The following SORCS2 variants were observed in gnomAD, a reference collection of about 807,000 sequenced individuals.
The protein encoded by SORCS2 is sortilin related VPS10 domain containing receptor 2.
Under a neutral mutation model 141.6 loss-of-function variants are expected in SORCS2, and 100 were observed. The ratio of observed to expected loss-of-function variants is 0.71; its 90% CI spans 0.60 to 0.83. The LOEUF (loss-of-function observed/expected upper bound fraction) is 0.83, where lower values mean the gene tolerates loss of function less well. Among genes scored for constraint, SORCS2 ranks in the 40% least tolerant of loss-of-function variants. The probability of loss-of-function intolerance (pLI) is 0.00; values close to 1 mark genes in which losing one functional copy is unlikely to be tolerated. For synonymous variants in SORCS2, 789 were observed against 676.9 expected (o/e 1.17, Z -2.57); for missense variants, 1,646 against 1,560.2 (o/e 1.05, Z -0.93).
At chr4:7,604,302 C>T (rs903457077) in intron 3 of SORCS2, among the ~76,000 whole-genome samples, 6 of 152,322 alleles carry the variant, frequency 3.9e-5, no homozygotes, top group Middle Eastern at 3.4e-3. Context: ...TTCACAAGAT[C>T]ACTATGGTGA....
chr4:7,589,238 A>G (rs1288432655), intron 3 of SORCS2, among the ~76,000 whole-genome samples: 2 of 152,326 alleles, frequency 1.3e-5, no homozygotes, highest in East Asian at 3.9e-4. Context: ...GAAATATGAC[A>G]TCAACAGTGA....
In SORCS2 at chr4:7,711,933, C is replaced by T. The variant is rs554592213; in HGVS notation, c.1869-800C>T. On this transcript the variant is annotated intron_variant, in intron 14 of 26. Coordinates refer to ENST00000507866, the MANE Select transcript of SORCS2 (RefSeq NM_020777.3). ...CCTGTGGGCTTTTCTAGACCCTTCT[C>T]GGTCATGGAGCTACCTGGGCTGAGG... 1.2e-4 allele frequency among the ~76,000 whole-genome samples: 18 copies of T among 152,204 alleles called. No individual in the cohort carries two copies. The South Asian group carries it at 2.1e-3, about 18-fold the overall frequency.
intron 1 of SORCS2, among the ~76,000 whole-genome samples, chr4:7,310,844 G>T (rs1718137265): frequency 6.6e-6 from 1 of 152,226 alleles, no homozygotes; most frequent in African/African-American, 2.4e-5. Flanking sequence ...AGTAATGCAG[G>T]TCAGCGTATT....
chr4:7,558,084 C>G (rs764230074), intron 3 of SORCS2, among the ~76,000 whole-genome samples: 2 of 152,198 alleles, frequency 1.3e-5, no homozygotes, highest in Non-Finnish European at 2.9e-5. Context: ...TCCTGGAGCT[C>G]TGTCACTGCC....
chr4:7,595,543 C>T (rs1052223428), intron 3 of SORCS2, among the ~76,000 whole-genome samples: 2 of 151,856 alleles, frequency 1.3e-5, no homozygotes, highest in African/African-American at 4.8e-5. Context: ...CCGCCCCGCA[C>T]CAGCCATCTC....
chr4:7,427,454 G>A (rs1726524258), intron 2 of SORCS2, among the ~76,000 whole-genome samples: 1 of 152,210 alleles, frequency 6.6e-6, no homozygotes, highest in Non-Finnish European at 1.5e-5. Context: ...GGATGGGCCA[G>A]AGCACCTCAT....
At chr4:7,724,903 GATA>G (rs1237628943) in intron 19 of SORCS2, among the ~76,000 whole-genome samples, 1 of 41,996 alleles carries the variant, frequency 2.4e-5, no homozygotes, top group African/African-American at 1.1e-4. Flanking sequence ...TGATGGTGGT[GATA>G]GTATTGGTGG....
At chr4:7,615,079 CCCAT>C (rs201967430) in intron 3 of SORCS2, among the ~76,000 whole-genome samples, 1 of 152,072 alleles carries the variant, frequency 6.6e-6, no homozygotes, top group Non-Finnish European at 1.5e-5. Flanking sequence ...TCTCTGTCTA[CCCAT>C]CCATCCATCC....
chr4:7,486,639 A>C (rs544997763), intron 2 of SORCS2, among the ~76,000 whole-genome samples: 3 of 152,296 alleles, frequency 2.0e-5, no homozygotes, highest in African/African-American at 7.2e-5. Context: ...ATTCTCTCCC[A>C]GAAGCCTGGA....
chr4:7,318,303 A>C (rs1037354137), intron 1 of SORCS2, among the ~76,000 whole-genome samples: 1 of 152,288 alleles, frequency 6.6e-6, no homozygotes, highest in Non-Finnish European at 1.5e-5. Flanking sequence ...CCGAGGTGCT[A>C]GTGCTCAAAT....
intron 1 of SORCS2, among the ~76,000 whole-genome samples, chr4:7,362,508 C>G (rs1192870515): frequency 6.6e-6 from 1 of 152,184 alleles, no homozygotes; most frequent in Non-Finnish European, 1.5e-5. Context: ...AGTATGTGCT[C>G]AACACCCATC....
At chr4:7,512,883 C>T (rs376699640) in intron 2 of SORCS2, among the ~76,000 whole-genome samples, 8 of 152,056 alleles carry the variant, frequency 5.3e-5, no homozygotes, top group Non-Finnish European at 7.4e-5. Context: ...GGCTGCCCTG[C>T]GGGCCCTGCC....
chr4:7,467,116 C>T (rs1729666376), intron 2 of SORCS2, among the ~76,000 whole-genome samples: 1 of 152,112 alleles, frequency 6.6e-6, no homozygotes, highest in Non-Finnish European at 1.5e-5. Flanking sequence ...CCTGGCGTCC[C>T]CCCAGGCGTT....
chr4:7,314,446 T>C (rs1356842866), intron 1 of SORCS2, among the ~76,000 whole-genome samples: 2 of 151,526 alleles, frequency 1.3e-5, no homozygotes, highest in South Asian at 4.2e-4. Flanking sequence ...TTCACGCCAT[T>C]CTCCTACCTC....
chr4:7,528,401 CG>C (rs1378654026), intron 2 of SORCS2, among the ~76,000 whole-genome samples: 29 of 100,910 alleles, frequency 2.9e-4, no homozygotes, highest in African/African-American at 6.1e-4. Context: ...GCAGCTGCTA[CG>C]TTTTTTTTTT....
intron 2 of SORCS2, among the ~76,000 whole-genome samples, chr4:7,457,499 G>A (rs1015022341): frequency 6.6e-6 from 1 of 151,956 alleles, no homozygotes; most frequent in African/African-American, 2.4e-5. Flanking sequence ...ACAGGTGTGA[G>A]CCGCAGCCAG....
intron 10 of SORCS2, among the ~76,000 whole-genome samples, chr4:7,683,807 G>A (rs976080945): frequency 6.6e-5 from 10 of 152,148 alleles, no homozygotes; most frequent in Admixed American, 2.6e-4. Context: ...TAGAAGTATC[G>A]ACTGCCTGAG....
chr4:7,486,543 C>T (rs576209484), intron 2 of SORCS2, among the ~76,000 whole-genome samples: 3 of 152,304 alleles, frequency 2.0e-5, no homozygotes, highest in Admixed American at 6.5e-5. Context: ...CAGCTGAGAG[C>T]GCTGATAATG....
At chr4:7,491,245 C>T (rs1361227636) in intron 2 of SORCS2, among the ~76,000 whole-genome samples, 1 of 152,200 alleles carries the variant, frequency 6.6e-6, no homozygotes. Flanking sequence ...ACCTGAGTAA[C>T]CCATGCTCAG....
Sources: gnomAD v4.1 joint callset for allele counts (sites outside exome capture counted in the v4.1 genomes callset) on GRCh38, gnomAD v4.1.1 for gene constraint, MANE v1.5 for transcripts, NCBI Gene and HGNC (gene_info 2026-07-23, HGNC 2026-07-21) for gene names.